ZFP64: variants seen among roughly 807,000 people sequenced by gnomAD.
ZFP64 encodes ZFP64 zinc finger protein.
A neutral mutation model predicts 51.6 loss-of-function variants in ZFP64; 14 were observed. The ratio of observed to expected loss-of-function variants is 0.27; its 90% CI spans 0.18 to 0.42. The LOEUF (loss-of-function observed/expected upper bound fraction) is 0.42, where lower values mean the gene tolerates loss of function less well. Among genes scored for constraint, ZFP64 ranks in the 10% least tolerant of loss-of-function variants. The probability of loss-of-function intolerance (pLI) is 1.00; values close to 1 mark genes in which losing one functional copy is unlikely to be tolerated. For missense variants in ZFP64, 754 were observed against 906.8 expected, an observed-to-expected ratio of 0.83 and a Z score of 2.16; for synonymous variants, 375 against 361.4, an observed-to-expected ratio of 1.04 and a Z score of -0.43.
chr20:52,129,185 C>T (rs1030320030), intron 5 of ZFP64, among the ~76,000 whole-genome samples: 1 of 151,862 alleles, frequency 6.6e-6, no homozygotes, highest in Non-Finnish European at 1.5e-5. Flanking sequence ...GGGTTCACGC[C>T]GTTCTCCCGC....
intron 5 of ZFP64, among the ~76,000 whole-genome samples, chr20:52,157,903 A>G (rs1303351434): frequency 6.6e-6 from 1 of 152,008 alleles, no homozygotes; most frequent in African/African-American, 2.4e-5. Flanking sequence ...CCCACTTATG[A>G]GTGAGAACAT....
At chr20:52,159,120 T>C (rs979038215) in intron 5 of ZFP64, among the ~76,000 whole-genome samples, 1 of 152,188 alleles carries the variant, frequency 6.6e-6, no homozygotes, top group Admixed American at 6.5e-5. Flanking sequence ...CAAGCCAAGA[T>C]CAACAGAGTT....
Position 52,116,541 on chromosome 20 carries a change from A to C in ZFP64, c.764-17954T>G, listed in dbSNP as rs536473014. Among the ~76,000 whole-genome samples, 10 of 152,106 alleles carry C rather than the reference A, an allele frequency of 6.6e-5. No individual in the cohort carries two copies. In the South Asian group the frequency reaches 2.1e-3, roughly 32 times the overall value. On this transcript the variant is annotated intron_variant, in intron 5 of 8. Coordinates refer to the ZFP64 transcript ENST00000361387. ...ATAAATAATGATATACTTTCATACAATAGAATTCTATTAAACTATAAAAAA... is the reference window on the plus strand; with the variant it reads ...ATAAATAATGATATACTTTCATACACTAGAATTCTATTAAACTATAAAAAA...
chr20:52,165,885 T>C lies in ZFP64; in HGVS notation c.427A>G (p.Arg143Gly), dbSNP rs143183874. 2.5e-6 allele frequency: 4 copies of C among 1,613,952 alleles called. No homozygotes were observed. The highest frequency in any genetic ancestry group is 2.7e-5 in the African/African-American group (2 of 74,914). ...KKPTTPPAQK[R>G]LNCCYPGCQF... ...TTACCTGGATAGCAACAGTTAAGCCTTTTCTGAGCAGGTGGTGTTGTGGGC... is the reference window on the plus strand; with the variant it reads ...TTACCTGGATAGCAACAGTTAAGCCCTTTCTGAGCAGGTGGTGTTGTGGGC... Residue 143 changes from arginine to glycine, a missense_variant, in exon 3 of 6, where the codon AGG (arginine) becomes GGG (glycine). By Grantham distance (125) the Arg-to-Gly change is moderately radical (BLOSUM62 -2). Transcript: ENST00000216923.
chr20:52,136,114 A>AAG (rs1555804040), intron 5 of ZFP64, among the ~76,000 whole-genome samples: 1 of 150,428 alleles, frequency 6.6e-6, no homozygotes, highest in Non-Finnish European at 1.5e-5. Flanking sequence ...AAAAAAAAAA[A>AAG]AAAAAAGAAA....
chr20:52,100,349 G>A (rs746373795), intron 5 of ZFP64, among the ~76,000 whole-genome samples: 2 of 152,066 alleles, frequency 1.3e-5, no homozygotes, highest in East Asian at 1.9e-4. Context: ...GGGTTCAAGC[G>A]ATTCTCCTGC....
intron 5 of ZFP64, among the ~76,000 whole-genome samples, chr20:52,136,879 C>T (rs530328359): frequency 6.6e-6 from 1 of 152,306 alleles, no homozygotes; most frequent in South Asian, 2.1e-4. Context: ...ATTCTCCTGC[C>T]TCAGCCTCCT....
At chr20:52,094,819 A>G (rs893384882) in intron 7 of ZFP64, among the ~76,000 whole-genome samples, 1 of 152,208 alleles carries the variant, frequency 6.6e-6, no homozygotes, top group Admixed American at 6.5e-5. Context: ...AGTTAAACAC[A>G]CACCTCAGTA....
Position 52,103,334 on chromosome 20 carries a change from G to A in ZFP64, c.764-4747C>T, listed in dbSNP as rs367611846. Among the ~76,000 whole-genome samples the A allele has an allele frequency of 4.1e-4, 62 of 152,302 alleles. 1 individual carries two copies. The South Asian group carries it at 9.5e-3, about 23-fold the overall frequency. On this transcript the variant is annotated intron_variant, in intron 5 of 8. Transcript: ENST00000361387. ...AGTTGCAAAGACACTTGCAAATTAA[G>A]AGTGGCCCAACCTTCGTAAAAAATG...
At chr20:52,089,007 C>G (rs759072184) in intron 7 of ZFP64, 2 of 525,152 alleles carry the variant, frequency 3.8e-6, no homozygotes, top group African/African-American at 3.8e-5. Context: ...ACCCCTTCCT[C>G]TCACTTCTTC....
At chr20:52,181,159 G>T (rs1379119121) in intron 2 of ZFP64, among the ~76,000 whole-genome samples, 3 of 152,052 alleles carry the variant, frequency 2.0e-5, no homozygotes, top group Non-Finnish European at 4.4e-5. Flanking sequence ...GGCCAGGCTG[G>T]TCTCGAACTC....
chr20:52,153,185 A>T lies in ZFP64; in HGVS notation c.1007T>A (p.Val336Glu), dbSNP rs748503864. 2.5e-6 allele frequency: 4 copies of T among 1,614,238 alleles called. No individual in the cohort carries two copies. The highest frequency in any genetic ancestry group is 3.4e-6 in the Non-Finnish European group (4 of 1,180,034). Residue 336 changes from valine to glutamate, a missense_variant, in exon 6 of 6, where the codon GTG becomes GAG. By Grantham distance (121) the Val-to-Glu change is moderately radical (BLOSUM62 -2). Coordinates refer to ENST00000216923, the MANE Select transcript of ZFP64 (RefSeq NM_018197.3). The surrounding 1 kb of genome is among the most constrained non-coding windows in gnomAD (Gnocchi z 5.1). ...CTTCTCAGGATGCTCCGACTGGTGCACGCGGCTGTGCTTCCGGAGGGTGGC... is the reference window on the plus strand; with the variant it reads ...CTTCTCAGGATGCTCCGACTGGTGCTCGCGGCTGTGCTTCCGGAGGGTGGC... Reference protein sequence around the residue: ...SKATLRKHSRVHQSEHPEKCS... With the variant: ...SKATLRKHSREHQSEHPEKCS...
intron 2 of ZFP64, among the ~76,000 whole-genome samples, chr20:52,168,812 A>G (rs139942946): frequency 1.3e-5 from 2 of 152,236 alleles, no homozygotes; most frequent in Non-Finnish European, 2.9e-5. Context: ...TTCATCATGC[A>G]ATATCTTGGA....
chr20:52,112,738 C>A (rs1352476304), intron 5 of ZFP64, among the ~76,000 whole-genome samples: 1 of 151,886 alleles, frequency 6.6e-6, no homozygotes, highest in Non-Finnish European at 1.5e-5. Context: ...TCTTAGCCTC[C>A]CGAGTGGCTG....
rs142317072 is a variant in ZFP64, at chr20:52,142,377, G to GACACAC, written c.763+17740_763+17745dup. On this transcript the variant is annotated intron_variant, in intron 5 of 8. Coordinates refer to the ZFP64 transcript ENST00000361387. The stretch of plus-strand genomic sequence containing the variant: ...AGTGAGACTTCATCACACACACACA[G>GACACAC]ACACACACACACACACACACACACA... 6.9e-3 allele frequency among the ~76,000 whole-genome samples: 818 copies of GACACAC among 118,454 alleles called. 8 individuals carry two copies. Among genetic ancestry groups the GACACAC allele is most frequent in the Middle Eastern group, 0.018 (4 of 228 alleles). The allele number at this position is 118,454 out of a possible 152,430, so 77.7% of individuals were successfully genotyped here.
At chr20:52,178,029 C>T (rs1983359545) in intron 2 of ZFP64, among the ~76,000 whole-genome samples, 1 of 135,504 alleles carries the variant, frequency 7.4e-6, no homozygotes, top group African/African-American at 2.8e-5. Context: ...AAGCCTCTGT[C>T]TCAAAAAAAA....
chr20:52,103,661 TC>T (rs2079077652), intron 5 of ZFP64, among the ~76,000 whole-genome samples: 1 of 151,622 alleles, frequency 6.6e-6, no homozygotes, highest in South Asian at 2.1e-4. Context: ...TATAAACACC[TC>T]CCCCAAAAGA....
chr20:52,113,360 GA>G (rs1978696284), intron 5 of ZFP64, among the ~76,000 whole-genome samples: 2 of 113,626 alleles, frequency 1.8e-5, no homozygotes, highest in African/African-American at 6.2e-5. Context: ...AAGAAAGAAA[GA>G]AAACTAGACA....
chr20:52,113,190 C>A (rs1191010648), intron 5 of ZFP64, among the ~76,000 whole-genome samples: 1 of 151,630 alleles, frequency 6.6e-6, no homozygotes, highest in East Asian at 2.0e-4. Context: ...AAAAATTAGC[C>A]AGGCGTGGTG....
Sources: gnomAD v4.1 joint callset for allele counts (sites outside exome capture counted in the v4.1 genomes callset) on GRCh38, gnomAD v4.1.1 for gene constraint, Gnocchi (gnomAD v3.1) non-coding constraint, MANE v1.5 for transcripts, NCBI Gene and HGNC (gene_info 2026-07-23, HGNC 2026-07-21) for gene names.